MATN2: variants seen among roughly 807,000 people sequenced by gnomAD.
The protein encoded by MATN2 is matrilin-2.
A neutral mutation model predicts 103.2 loss-of-function variants in MATN2; 69 were observed. The ratio of observed to expected loss-of-function variants is 0.67; its 90% CI spans 0.55 to 0.82. The LOEUF (loss-of-function observed/expected upper bound fraction) is 0.82. Ranked by LOEUF, MATN2 falls within the 40% of genes least tolerant of loss-of-function variation. The pLI is 0.00. For missense variants in MATN2, 1,023 were observed against 1,211.5 expected, an observed-to-expected ratio of 0.84 and a Z score of 2.31; for synonymous variants, 429 against 450.2, an observed-to-expected ratio of 0.95 and a Z score of 0.60.
At chr8:98,026,680 T>TG (rs1215540678) in intron 13 of MATN2, among the ~76,000 whole-genome samples, 3 of 152,240 alleles carry the variant, frequency 2.0e-5, no homozygotes, top group East Asian at 1.9e-4. Context: ...TGCCAAGTAT[T>TG]GGGGGGTGGG....
chr8:98,013,427 G>A (rs1416637689), intron 10 of MATN2, among the ~76,000 whole-genome samples: 2 of 152,200 alleles, frequency 1.3e-5, no homozygotes, highest in Non-Finnish European at 2.9e-5. Flanking sequence ...ACCCCTGTGA[G>A]GTGGATCTAA....
intron 2 of MATN2, among the ~76,000 whole-genome samples, chr8:97,895,051 T>G (rs549774799): frequency 1.2e-3 from 188 of 152,278 alleles, no homozygotes; most frequent in African/African-American, 4.3e-3. Context: ...TTTTGTATTT[T>G]TAGTAGAGAC....
intron 10 of MATN2, among the ~76,000 whole-genome samples, chr8:98,013,436 A>G (rs555310222): frequency 1.6e-4 from 24 of 152,170 alleles, no homozygotes; most frequent in Non-Finnish European, 3.5e-4. Context: ...AGGTGGATCT[A>G]ATTACCCTCA....
chr8:97,995,996 T>C (rs750967668), intron 7 of MATN2, among the ~76,000 whole-genome samples: 5 of 152,202 alleles, frequency 3.3e-5, no homozygotes, highest in Non-Finnish European at 5.9e-5. Flanking sequence ...CTCTGTGCTA[T>C]TTACACCTTT....
At position 97,961,402 on chromosome 8, in the gene MATN2, C is replaced by T. The variant is rs1322946989; in HGVS notation, c.836-6C>T. 1.2e-6 allele frequency: 2 copies of T among 1,608,750 alleles called. No individual in the cohort carries two copies. The highest frequency in any genetic ancestry group is 1.7e-6 in the Non-Finnish European group (2 of 1,177,136). On this transcript the variant is annotated splice_polypyrimidine_tract_variant and splice_region_variant and intron_variant, in intron 4 of 18. Transcript: ENST00000254898. ...GTTGTGTTCTAACATCGTGACTTTGCCTCAGTCCAGGATCTGTGTGCCATG... is the reference window on the plus strand; with the variant it reads ...GTTGTGTTCTAACATCGTGACTTTGTCTCAGTCCAGGATCTGTGTGCCATG...
intron 2 of MATN2, among the ~76,000 whole-genome samples, chr8:97,918,901 A>G (rs1809720997): frequency 6.6e-6 from 1 of 152,144 alleles, no homozygotes; most frequent in South Asian, 2.1e-4. Context: ...CAGCTTCCTC[A>G]TCTACAAGTG....
intron 3 of MATN2, among the ~76,000 whole-genome samples, chr8:97,934,853 A>T (rs933325957): frequency 2.0e-5 from 3 of 152,352 alleles, no homozygotes; most frequent in Admixed American, 2.0e-4. Flanking sequence ...GCAGATATTT[A>T]ACCTTTTATC....
At chr8:97,965,705 A>T (rs1026267374) in intron 5 of MATN2, among the ~76,000 whole-genome samples, 1 of 151,922 alleles carries the variant, frequency 6.6e-6, no homozygotes, top group Non-Finnish European at 1.5e-5. Flanking sequence ...ACATGGCTGG[A>T]TGTGGTGGCT....
chr8:97,890,464 C>CA (rs553728394), intron 2 of MATN2, among the ~76,000 whole-genome samples: 22,060 of 83,856 alleles, frequency 0.26, 2,754 homozygotes, highest in African/African-American at 0.46. Context: ...GACTCTGTCT[C>CA]AAAAAAAAAA....
Position 98,030,172 on chromosome 8 carries a change from TA to T in MATN2, c.2357-288del. 2.0e-5 allele frequency among the ~76,000 whole-genome samples: 3 copies of T among 152,340 alleles called. 1 individual carries two copies. The highest frequency in any genetic ancestry group is 2.0e-4 in the Admixed American group (3 of 15,298). On this transcript the variant is annotated intron_variant, in intron 14 of 18. Coordinates refer to ENST00000254898, the MANE Select transcript of MATN2 (RefSeq NM_002380.5). ...GCTCATTTCTATGAATCCAGAAGGC[TA>T]ATTCAGGGGGAAGTTGCAGATTTGT...
intron 4 of MATN2, among the ~76,000 whole-genome samples, chr8:97,957,472 CGGT>C (rs1811179118): frequency 6.6e-6 from 1 of 152,166 alleles, no homozygotes; most frequent in Admixed American, 6.5e-5. Flanking sequence ...TCCCTTGGGT[CGGT>C]ACAAATCGCT....
chr8:98,018,412 G>A (rs1254373006), intron 12 of MATN2, among the ~76,000 whole-genome samples: 2 of 152,132 alleles, frequency 1.3e-5, no homozygotes, highest in Non-Finnish European at 2.9e-5. Flanking sequence ...GCTAGTCACT[G>A]GACTGAATTA....
chr8:98,010,722 G>A (rs147952118), intron 10 of MATN2, among the ~76,000 whole-genome samples: 551 of 152,280 alleles, frequency 3.6e-3, no homozygotes, highest in Non-Finnish European at 5.8e-3. Context: ...CTGGACTCAG[G>A]AGTCCAAGGG....
chr8:97,976,475 A>G (rs994166563), intron 5 of MATN2, among the ~76,000 whole-genome samples: 17 of 152,232 alleles, frequency 1.1e-4, no homozygotes, highest in African/African-American at 3.9e-4. Context: ...ACCCTTTACA[A>G]ATCTTCAGTG....
At chr8:97,945,310 T>C (rs1409663287) in intron 4 of MATN2, among the ~76,000 whole-genome samples, 2 of 152,172 alleles carry the variant, frequency 1.3e-5, no homozygotes, top group Non-Finnish European at 2.9e-5. Context: ...GTGGGTTTTA[T>C]CACTCTCATT....
At chr8:97,946,105 A>T (rs1810744659) in intron 4 of MATN2, among the ~76,000 whole-genome samples, 1 of 152,176 alleles carries the variant, frequency 6.6e-6, no homozygotes, top group Non-Finnish European at 1.5e-5. Flanking sequence ...ATTCCCACAC[A>T]CTGACCCCAT....
intron 18 of MATN2, among the ~76,000 whole-genome samples, chr8:98,034,531 G>A (rs1814164247): frequency 6.6e-6 from 1 of 152,148 alleles, no homozygotes; most frequent in Non-Finnish European, 1.5e-5. Context: ...TAATCTTTCT[G>A]AGTGGTTAAT....
intron 1 of MATN2, among the ~76,000 whole-genome samples, chr8:97,876,093 A>G (rs60723194): frequency 0.062 from 9,347 of 151,484 alleles, 324 homozygotes; most frequent in African/African-American, 0.095. Flanking sequence ...ATCCTAGCTC[A>G]CTGCAACTTC....
intron 3 of MATN2, among the ~76,000 whole-genome samples, chr8:97,937,814 A>C (rs999151909): frequency 2.6e-5 from 4 of 151,956 alleles, no homozygotes; most frequent in African/African-American, 9.7e-5. Context: ...CCTGGACTCA[A>C]GTGATCTGCT....
Sources: gnomAD v4.1 joint callset for allele counts (sites outside exome capture counted in the v4.1 genomes callset) on GRCh38, gnomAD v4.1.1 for gene constraint, MANE v1.5 for transcripts, NCBI Gene and HGNC (gene_info 2026-07-23, HGNC 2026-07-21) for gene names.